The following NCAPG2 variants were observed in gnomAD, a reference collection of about 807,000 sequenced individuals.
NCAPG2 encodes the protein non-SMC condensin II complex subunit G2, also known as condensin-2 complex subunit G2.
Under a neutral mutation model 141.1 loss-of-function variants are expected in NCAPG2, and 53 were observed. The ratio of observed to expected loss-of-function variants is 0.38; its 90% CI spans 0.30 to 0.47. The LOEUF (loss-of-function observed/expected upper bound fraction) is 0.47, where lower values mean the gene tolerates loss of function less well. Ranked by LOEUF, NCAPG2 falls within the 20% of genes least tolerant of loss-of-function variation. The probability of loss-of-function intolerance (pLI) is 0.99; values close to 1 mark genes in which losing one functional copy is unlikely to be tolerated. For synonymous variants in NCAPG2, 499 were observed against 490.7 expected (o/e 1.02, Z -0.22); for missense variants, 1,087 against 1,389.0 (o/e 0.78, Z 3.46).
intron 24 of NCAPG2, among the ~76,000 whole-genome samples, chr7:158,648,432 T>A (rs1365667278): frequency 6.7e-6 from 1 of 148,342 alleles, no homozygotes; most frequent in Non-Finnish European, 1.5e-5. Flanking sequence ...GACAGACTGA[T>A]AGAAAAGAAA....
At chr7:158,659,710 T>C (rs1832326743) in intron 16 of NCAPG2, among the ~76,000 whole-genome samples, 1 of 152,172 alleles carries the variant, frequency 6.6e-6, no homozygotes, top group Admixed American at 6.5e-5. Context: ...ATAATTTTCC[T>C]GAAAATACAT....
Position 158,651,171 on chromosome 7 carries a change from T to C in NCAPG2, c.2935-199A>G, listed in dbSNP as rs566314459. ...CCTCCTATGCACCACGGCCAGAAGATGATAGACGGGACCAAAGCCCACTGG... is the reference window on the plus strand; with the variant it reads ...CCTCCTATGCACCACGGCCAGAAGACGATAGACGGGACCAAAGCCCACTGG... On this transcript the variant is annotated intron_variant, in intron 23 of 27. Transcript: ENST00000356309. Among the ~76,000 whole-genome samples the C allele has an allele frequency of 1.2e-3, 181 of 152,238 alleles. 1 individual carries two copies. Among genetic ancestry groups the C allele is most frequent in the Non-Finnish European group, 3.8e-4 (26 of 68,028 alleles).
intron 15 of NCAPG2, among the ~76,000 whole-genome samples, chr7:158,663,725 A>G (rs546408466): frequency 6.6e-6 from 1 of 152,276 alleles, no homozygotes; most frequent in South Asian, 2.1e-4. Flanking sequence ...CCACAAGCAC[A>G]GGAGTTTAGA....
intron 27 of NCAPG2, chr7:158,640,422 ACT>A (rs916804895): frequency 2.6e-5 from 4 of 152,214 alleles, no homozygotes; most frequent in Non-Finnish European, 5.9e-5. Flanking sequence ...TATACCAGCT[ACT>A]CAGCAGGCTG....
chr7:158,647,968 G>A (rs1056069747), intron 24 of NCAPG2, among the ~76,000 whole-genome samples: 2 of 152,108 alleles, frequency 1.3e-5, no homozygotes, highest in African/African-American at 4.8e-5. Context: ...TATGGTGTGA[G>A]CTACCGTGCC....
rs192795266 is a variant in NCAPG2 at position 158,658,643 on chromosome 7, T to G, written c.1990-235A>C. On this transcript the variant is annotated intron_variant, in intron 16 of 27. Transcript: ENST00000356309. ...AACATTTTACTACTTTGCAAATATTTATTAAGCACTTGCTATGTACCCAGT... is the reference window on the plus strand; with the variant it reads ...AACATTTTACTACTTTGCAAATATTGATTAAGCACTTGCTATGTACCCAGT... Among the ~76,000 whole-genome samples the G allele has an allele frequency of 1.0e-3, 156 of 152,294 alleles. 1 individual carries two copies. Among genetic ancestry groups the G allele is most frequent in the Middle Eastern group, 6.8e-3 (2 of 294 alleles).
At position 158,693,320 on chromosome 7, in the gene NCAPG2, C is replaced by T. The variant is rs755670064; in HGVS notation, c.256G>A (p.Gly86Ser). 6.2e-7 allele frequency: 1 copy of T among 1,603,882 alleles called. No homozygotes were observed. Among genetic ancestry groups the T allele is most frequent in the Non-Finnish European group, 8.5e-7 (1 of 1,177,842 alleles). Residue 86 changes from glycine (G) to serine (S), a missense_variant, in exon 3 of 28, where the codon GGC (glycine) becomes AGC (serine). Transcript: ENST00000356309. ...QGEDNMETEH[G>S]SKMRKSIEII... ...AAAACAAATACTACCATTTTTGAGCCATGTTCGGTTTCCATATTGTCTTCA... is the reference window on the plus strand; with the variant it reads ...AAAACAAATACTACCATTTTTGAGCTATGTTCGGTTTCCATATTGTCTTCA...
chr7:158,672,662 A>G (rs1263830014), intron 12 of NCAPG2, among the ~76,000 whole-genome samples: 1 of 151,780 alleles, frequency 6.6e-6, no homozygotes, highest in Non-Finnish European at 1.5e-5. Flanking sequence ...AATGACGATA[A>G]TTTTTTCAAA....
chr7:158,686,086 G>T, intron 8 of NCAPG2, 86 bp downstream of exon 8: 2 of 792,676 alleles, frequency 2.5e-6, no homozygotes, highest in Non-Finnish European at 3.9e-6. Context: ...CATAAACATG[G>T]ATCTTAAATA....
Position 158,631,527 on chromosome 7 carries a change from C to A in NCAPG2, c.*139G>T. On this transcript the variant is annotated 3_prime_UTR_variant, in exon 28 of 28. Coordinates refer to ENST00000356309, the MANE Select transcript of NCAPG2 (RefSeq NM_017760.7). ...GAGTTATCTCCTCCATAACCCCCAC[C>A]TTCCCACATTCCCACAAAAAAATCC... 1.2e-6 allele frequency: 1 copy of A among 837,426 alleles called. No homozygotes were observed. The highest frequency in any genetic ancestry group is 2.0e-6 in the Non-Finnish European group (1 of 502,560). The allele number at this position is 837,426 out of a possible 1,614,324, so 51.9% of individuals were successfully genotyped here.
chr7:158,675,542 T>C lies in NCAPG2; in HGVS notation c.1261A>G (p.Lys421Glu), dbSNP rs1467260468. ...MPPTILIDLL[K>E]KVTGELAFDT... ...AATGCCAGTTCCCCAGTCACCTTCT[T>C]CAGGAGGTCAATAAGAATGGTCGGG... The change falls in exon 12 of 28, where the codon AAG (lysine) becomes GAG (glutamate). Residue 421 changes from lysine to glutamate, a missense_variant. Physicochemically the swap from Lys to Glu is moderately conservative, Grantham distance 56. Transcript: ENST00000356309. 1 of 1,613,544 alleles carries C rather than the reference T, an allele frequency of 6.2e-7. No homozygotes were observed. The highest frequency in any genetic ancestry group is 1.3e-5 in the African/African-American group (1 of 74,912).
intron 22 of NCAPG2, among the ~76,000 whole-genome samples, chr7:158,652,979 A>G (rs919087279): frequency 3.9e-5 from 6 of 152,262 alleles, no homozygotes; most frequent in African/African-American, 1.4e-4. Flanking sequence ...AATAATTCCT[A>G]AATGATAAGT....
At chr7:158,678,738 A>G (rs991247064) in intron 11 of NCAPG2, among the ~76,000 whole-genome samples, 2 of 152,088 alleles carry the variant, frequency 1.3e-5, no homozygotes, top group Non-Finnish European at 2.9e-5. Context: ...TCTTTAAAAA[A>G]AAAAAAAGGA....
intron 22 of NCAPG2, among the ~76,000 whole-genome samples, chr7:158,654,098 G>A (rs886072588): frequency 1.3e-5 from 2 of 152,126 alleles, no homozygotes; most frequent in Admixed American, 6.6e-5. Context: ...ACCCTTTCCC[G>A]TCATCATCTG....
intron 2 of NCAPG2, chr7:158,696,534 C>T (rs1332921469): frequency 6.6e-6 from 1 of 152,116 alleles, no homozygotes; most frequent in Non-Finnish European, 1.5e-5. Context: ...AGGCACAATG[C>T]CTACAACTGA....
At chr7:158,702,940 G>C (rs527388125) in intron 1 of NCAPG2, among the ~76,000 whole-genome samples, 1 of 152,182 alleles carries the variant, frequency 6.6e-6, no homozygotes, top group African/African-American at 2.4e-5. Flanking sequence ...ATGTATGACC[G>C]TGGTCCCATA....
chr7:158,650,738 T>C (rs1831427400), intron 24 of NCAPG2, 94 bp downstream of exon 24: 13 of 1,430,288 alleles, frequency 9.1e-6, no homozygotes, highest in South Asian at 1.5e-5. Flanking sequence ...TCTTAAAAAA[T>C]ACTTTGAGAA....
At chr7:158,632,197 C>T (rs1036584190) in intron 27 of NCAPG2, among the ~76,000 whole-genome samples, 2 of 152,180 alleles carry the variant, frequency 1.3e-5, no homozygotes, top group Non-Finnish European at 2.9e-5. Context: ...GCCCTACATC[C>T]CTGTCCCTCA....
In NCAPG2 at chr7:158,633,775, G is replaced by GGGTCAC. The variant is rs1401456466; in HGVS notation, c.3381-2064_3381-2059dup. On this transcript the variant is annotated intron_variant, in intron 27 of 27. Coordinates refer to ENST00000356309, the MANE Select transcript of NCAPG2 (RefSeq NM_017760.7). This position sits in a 1 kb window ranked among gnomAD's most constrained non-coding sequence, Gnocchi z 4.1. The stretch of plus-strand genomic sequence containing the variant: ...AAAATTAATTTTTTTTTTTGAGACA[G>GGGTCAC]GGTCACGCTCTGTCACCCAGGCTGA... Among the ~76,000 whole-genome samples the GGGTCAC allele has an allele frequency of 6.6e-6, 1 of 151,922 alleles. No homozygotes were observed. Among genetic ancestry groups the GGGTCAC allele is most frequent in the Non-Finnish European group, 1.5e-5 (1 of 67,970 alleles).
Sources: gnomAD v4.1 joint callset for allele counts (sites outside exome capture counted in the v4.1 genomes callset) on GRCh38, gnomAD v4.1.1 for gene constraint, Gnocchi (gnomAD v3.1) non-coding constraint, MANE v1.5 for transcripts, NCBI Gene and HGNC (gene_info 2026-07-23, HGNC 2026-07-21) for gene names.